The following GALK2 variants were observed in gnomAD, a reference collection of about 807,000 sequenced individuals.
GALK2 encodes galactokinase 2.
GALK2 carries 36 observed loss-of-function variants against 52.4 expected under a neutral mutation model. The observed-to-expected ratio is 0.69, with a 90% confidence interval of 0.53 to 0.91. GALK2 has a LOEUF of 0.91. Ranked by LOEUF, GALK2 falls within the 40% of genes least tolerant of loss-of-function variation. The pLI is 0.00. For missense variants in GALK2, 579 were observed against 559.1 expected, an observed-to-expected ratio of 1.04 and a Z score of -0.36; for synonymous variants, 176 against 199.1, an observed-to-expected ratio of 0.88 and a Z score of 0.98.
intron 7 of GALK2, among the ~76,000 whole-genome samples, chr15:49,285,862 C>A (rs954248031): frequency 6.6e-6 from 1 of 152,124 alleles, no homozygotes; most frequent in East Asian, 1.9e-4. Flanking sequence ...CTTCCTATTT[C>A]GTTGGAATAA....
At chr15:49,167,302 A>C (rs938992210), upstream of GALK2, among the ~76,000 whole-genome samples, 12 of 152,220 alleles carry the variant, frequency 7.9e-5, no homozygotes, top group Non-Finnish European at 1.3e-4. Context: ...GCAAAGAACC[A>C]GAGGTTCAGG....
intron 5 of GALK2, among the ~76,000 whole-genome samples, chr15:49,241,407 G>C: frequency 6.6e-6 from 1 of 152,154 alleles, no homozygotes; most frequent in East Asian, 1.9e-4. Flanking sequence ...AGGGATTGAG[G>C]AGTAGTCCAG....
At chr15:49,298,342 A>G (rs1161567879) in intron 8 of GALK2, among the ~76,000 whole-genome samples, 1 of 152,178 alleles carries the variant, frequency 6.6e-6, no homozygotes, top group Non-Finnish European at 1.5e-5. Flanking sequence ...TTTTCTAGGT[A>G]TAGTATCATA....
chr15:49,280,613 A>G (rs113784521), intron 5 of GALK2, among the ~76,000 whole-genome samples: 61 of 152,264 alleles, frequency 4.0e-4, no homozygotes, highest in African/African-American at 1.4e-3. Flanking sequence ...GCAAGAGATG[A>G]TTATATCAGT....
rs920717829 is a variant in GALK2 at position 49,254,809 on chromosome 15, C to T, written c.504+15442C>T. Among the ~76,000 whole-genome samples the T allele has an allele frequency of 2.1e-5, 3 of 144,192 alleles. No homozygotes were observed. The East Asian group carries it at 5.8e-4, about 28-fold the overall frequency. 94.6% of individuals were successfully genotyped at this position (144,192 alleles called of 152,430 possible). ...GGATAATATTGTTACCTATTGACAGCGATGTTACATCTCTCACACACACAT... is the reference window on the plus strand; with the variant it reads ...GGATAATATTGTTACCTATTGACAGTGATGTTACATCTCTCACACACACAT... On this transcript the variant is annotated intron_variant, in intron 5 of 9. Transcript: ENST00000560031.
chr15:49,181,585 C>A (rs1595905967), intron 1 of GALK2, among the ~76,000 whole-genome samples: 1 of 148,172 alleles, frequency 6.7e-6, no homozygotes, highest in African/African-American at 2.5e-5. Context: ...GATCTCGGCT[C>A]ACTGCAGCCT....
intron 3 of GALK2, among the ~76,000 whole-genome samples, chr15:49,221,696 A>G (rs570120634): frequency 5.9e-5 from 9 of 151,934 alleles, no homozygotes; most frequent in African/African-American, 2.2e-4. Flanking sequence ...TAAAAAAAAA[A>G]GAAAATGAGT....
At chr15:49,216,068 C>T (rs111916286) in intron 2 of GALK2, among the ~76,000 whole-genome samples, 6 of 152,284 alleles carry the variant, frequency 3.9e-5, no homozygotes, top group African/African-American at 1.4e-4. Context: ...GCAAAGTCCT[C>T]TTGATATCTT....
At chr15:49,276,166 A>T (rs1830607868) in intron 5 of GALK2, among the ~76,000 whole-genome samples, 1 of 152,188 alleles carries the variant, frequency 6.6e-6, no homozygotes, top group Non-Finnish European at 1.5e-5. Context: ...TAGAGAGCAA[A>T]ATGTCACAAG....
At chr15:49,288,021 A>G (rs1175502325) in intron 7 of GALK2, among the ~76,000 whole-genome samples, 2 of 152,240 alleles carry the variant, frequency 1.3e-5, no homozygotes, top group Non-Finnish European at 2.9e-5. Context: ...AGCCTTGTAG[A>G]GCATTTGACT....
chr15:49,333,219 T>C (rs956923743), downstream of GALK2, among the ~76,000 whole-genome samples: 1 of 152,186 alleles, frequency 6.6e-6, no homozygotes. Flanking sequence ...TTCAGTGGTT[T>C]TAGTACATTC....
At chr15:49,239,489 G>A in intron 5 of GALK2, 122 bp downstream of exon 5, 2 of 854,102 alleles carry the variant, frequency 2.3e-6, no homozygotes, top group South Asian at 3.5e-5. Flanking sequence ...CTGCACATGT[G>A]GGCAAGCATT....
At chr15:49,222,082 A>G (rs963428801) in intron 3 of GALK2, among the ~76,000 whole-genome samples, 2 of 152,034 alleles carry the variant, frequency 1.3e-5, no homozygotes, top group African/African-American at 2.4e-5. Context: ...AATTTCATTC[A>G]TCAGTGTTTT....
At chr15:49,156,424 C>A in intron 1 of GALK2, 1 of 448,232 alleles carries the variant, frequency 2.2e-6, no homozygotes, top group East Asian at 5.5e-5. Flanking sequence ...CCAGGCACCC[C>A]TCTACCAGCA....
At chr15:49,361,196 TA>T (rs1343096631) in intron 3 of GALK2, among the ~76,000 whole-genome samples, 2 of 152,184 alleles carry the variant, frequency 1.3e-5, no homozygotes, top group Admixed American at 6.5e-5. Flanking sequence ...ATTTGTCAAT[TA>T]AAAAATTAAT....
intron 1 of GALK2, among the ~76,000 whole-genome samples, chr15:49,199,423 GGTAGTCCA>G (rs2087537304): frequency 6.6e-6 from 1 of 152,150 alleles, no homozygotes; most frequent in South Asian, 2.1e-4. Flanking sequence ...GCATCTACCA[GGTAGTCCA>G]GTAGATGTAT....
intron 3 of GALK2, among the ~76,000 whole-genome samples, chr15:49,356,997 C>T (rs1198739587): frequency 8.6e-5 from 13 of 150,430 alleles, no homozygotes; most frequent in African/African-American, 1.5e-4. Context: ...GGGTACATAA[C>T]GAAATGAAGG....
chr15:49,287,119 G>A (rs1184647590), intron 7 of GALK2, among the ~76,000 whole-genome samples: 2 of 152,198 alleles, frequency 1.3e-5, no homozygotes, highest in African/African-American at 2.4e-5. Context: ...AGTAGTAGCT[G>A]AAGATCTTAA....
intron 8 of GALK2, among the ~76,000 whole-genome samples, chr15:49,295,592 C>T (rs2034402610): frequency 6.6e-6 from 1 of 152,100 alleles, no homozygotes; most frequent in South Asian, 2.1e-4. Context: ...TACCTAATTG[C>T]CTGAGCTCTT....
Sources: gnomAD v4.1 joint callset for allele counts (sites outside exome capture counted in the v4.1 genomes callset) on GRCh38, gnomAD v4.1.1 for gene constraint, MANE v1.5 for transcripts, NCBI Gene and HGNC (gene_info 2026-07-23, HGNC 2026-07-21) for gene names.